The following ANGPT1 variants were observed in gnomAD, a reference collection of about 807,000 sequenced individuals.
ANGPT1 encodes the protein angiopoietin 1.
Under a neutral mutation model 62.2 loss-of-function variants are expected in ANGPT1, and 17 were observed. The observed-to-expected ratio is 0.27, with a 90% CI of 0.19 to 0.41. The LOEUF (loss-of-function observed/expected upper bound fraction) is 0.41, where lower values mean the gene tolerates loss of function less well. ANGPT1 is among the 10% of genes least tolerant of loss of function. The pLI, the probability that ANGPT1 is intolerant of heterozygous loss-of-function variation, is 1.00. For missense variants in ANGPT1, 478 were observed against 594.9 expected, an observed-to-expected ratio of 0.80 and a Z score of 2.04; for synonymous variants, 199 against 198.9, an observed-to-expected ratio of 1.00 and a Z score of 0.00.
chr8:107,300,061 A>C (rs955891830), intron 5 of ANGPT1, among the ~76,000 whole-genome samples: 16 of 143,580 alleles, frequency 1.1e-4, no homozygotes, highest in Non-Finnish European at 1.5e-5. Flanking sequence ...AGTTATATCT[A>C]GATATAGGTA....
At chr8:107,317,633 TA>T (rs201900281) in intron 4 of ANGPT1, among the ~76,000 whole-genome samples, 22,075 of 85,626 alleles carry the variant, frequency 0.26, 1,787 homozygotes, top group Middle Eastern at 0.41. Context: ...TTTTTATTTT[TA>T]TTTTTTTTTT....
intron 1 of ANGPT1, among the ~76,000 whole-genome samples, chr8:107,372,236 C>T (rs890112356): frequency 6.6e-6 from 1 of 151,866 alleles, no homozygotes; most frequent in Non-Finnish European, 1.5e-5. Flanking sequence ...CCAGCTGTAA[C>T]AAGTAAAACT....
chr8:107,350,737 G>A (rs897132370), intron 1 of ANGPT1, among the ~76,000 whole-genome samples: 1 of 152,010 alleles, frequency 6.6e-6, no homozygotes, highest in Admixed American at 6.6e-5. Flanking sequence ...CTTTCTCCAG[G>A]AGTAACTGCC....
chr8:107,267,878 T>C (rs778219213), intron 7 of ANGPT1, among the ~76,000 whole-genome samples: 5 of 151,816 alleles, frequency 3.3e-5, no homozygotes, highest in Non-Finnish European at 7.4e-5. Flanking sequence ...AGCAACACTC[T>C]TATTTCTCCA....
intron 1 of ANGPT1, among the ~76,000 whole-genome samples, chr8:107,434,148 T>G (rs1811274953): frequency 1.3e-5 from 2 of 152,132 alleles, no homozygotes; most frequent in Admixed American, 6.5e-5. Context: ...AAATAAGATT[T>G]TAATATCTAA....
chr8:107,256,545 G>C (rs190143780), intron 8 of ANGPT1, among the ~76,000 whole-genome samples: 1 of 152,154 alleles, frequency 6.6e-6, no homozygotes, highest in African/African-American at 2.4e-5. Context: ...AAATCTGCAT[G>C]GGATGAAGAT....
intron 1 of ANGPT1, among the ~76,000 whole-genome samples, chr8:107,382,963 C>G (rs777707821): frequency 5.9e-5 from 9 of 152,120 alleles, no homozygotes; most frequent in Non-Finnish European, 1.0e-4. Flanking sequence ...TGTAACCAAG[C>G]TAATACATTG....
intron 1 of ANGPT1, among the ~76,000 whole-genome samples, chr8:107,424,794 A>C (rs535992338): frequency 6.6e-6 from 1 of 152,368 alleles, no homozygotes; most frequent in East Asian, 1.9e-4. Flanking sequence ...GGAATTTTAC[A>C]AAATTAAGCC....
At chr8:107,387,308 G>A (rs1021864729) in intron 1 of ANGPT1, among the ~76,000 whole-genome samples, 1 of 152,080 alleles carries the variant, frequency 6.6e-6, no homozygotes, top group Non-Finnish European at 1.5e-5. Flanking sequence ...GATCCCTGCT[G>A]TATTGAAACA....
chr8:107,366,991 AACG>A (rs1380134237), intron 1 of ANGPT1, among the ~76,000 whole-genome samples: 3 of 152,104 alleles, frequency 2.0e-5, no homozygotes, highest in Admixed American at 6.6e-5. Context: ...TTCCAACAAC[AACG>A]GGGGAATAGA....
At chr8:107,271,437 T>C (rs893800917) in intron 7 of ANGPT1, among the ~76,000 whole-genome samples, 2 of 152,056 alleles carry the variant, frequency 1.3e-5, no homozygotes, top group Non-Finnish European at 2.9e-5. Context: ...ATTACGGGAA[T>C]GACTAAGGCT....
At chr8:107,260,853 T>C (rs565048431) in intron 8 of ANGPT1, among the ~76,000 whole-genome samples, 1 of 152,324 alleles carries the variant, frequency 6.6e-6, no homozygotes, top group African/African-American at 2.4e-5. Flanking sequence ...AGAATAATTA[T>C]GGATGAAAGA....
At chr8:107,324,217 G>GTATATATATA (rs1815231851) in intron 3 of ANGPT1, among the ~76,000 whole-genome samples, 1 of 68,186 alleles carries the variant, frequency 1.5e-5, no homozygotes, top group Non-Finnish European at 2.8e-5. Flanking sequence ...ATATATATAT[G>GTATATATATA]TGTGTGTGTG....
chr8:107,379,283 C>T (rs1387765759), intron 1 of ANGPT1, among the ~76,000 whole-genome samples: 1 of 152,014 alleles, frequency 6.6e-6, no homozygotes, highest in Non-Finnish European at 1.5e-5. Context: ...ATTGCTCCCT[C>T]CCTTGGTAGG....
intron 2 of ANGPT1, among the ~76,000 whole-genome samples, chr8:107,345,870 T>TTAA (rs1220112997): frequency 3.3e-5 from 5 of 152,288 alleles, no homozygotes; most frequent in African/African-American, 1.2e-4. Flanking sequence ...TAATCAATAC[T>TTAA]TAAGTTCTTA....
At chr8:107,436,307 T>C (rs73313632) in intron 1 of ANGPT1, among the ~76,000 whole-genome samples, 8,163 of 152,290 alleles carry the variant, frequency 0.054, 726 homozygotes, top group African/African-American at 0.18. Flanking sequence ...TAAGACTTCA[T>C]GTCAACACTA....
chr8:107,476,232 A>C (rs1162493798), intron 1 of ANGPT1, among the ~76,000 whole-genome samples: 1 of 152,230 alleles, frequency 6.6e-6, no homozygotes, highest in Non-Finnish European at 1.5e-5. Context: ...TGGAACATAT[A>C]CACCATGGAA....
At chr8:107,356,621 G>GA (rs1463262651) in intron 1 of ANGPT1, among the ~76,000 whole-genome samples, 1 of 152,164 alleles carries the variant, frequency 6.6e-6, no homozygotes, top group African/African-American at 2.4e-5. Context: ...GCTTATATCT[G>GA]AAAAAATACA....
At chr8:107,455,169 T>C (rs1811886407) in intron 1 of ANGPT1, among the ~76,000 whole-genome samples, 1 of 152,040 alleles carries the variant, frequency 6.6e-6, no homozygotes, top group African/African-American at 2.4e-5. Flanking sequence ...ACCTTTTTGG[T>C]TCAAAATAAG....
Sources: gnomAD v4.1 joint callset for allele counts (sites outside exome capture counted in the v4.1 genomes callset) on GRCh38, gnomAD v4.1.1 for gene constraint, MANE v1.5 for transcripts, NCBI Gene and HGNC (gene_info 2026-07-23, HGNC 2026-07-21) for gene names.